Variants in ANKH observed in about 807,000 individuals in gnomAD.
The protein encoded by ANKH is mineralization regulator ANKH.
Under a neutral mutation model 49.0 loss-of-function variants are expected in ANKH, and 15 were observed. That is an observed-to-expected ratio of 0.31 (90% CI 0.20 to 0.47). The LOEUF is 0.47. ANKH is among the 20% of genes least tolerant of loss of function. The probability of loss-of-function intolerance (pLI) is 1.00; values close to 1 mark genes in which losing one functional copy is unlikely to be tolerated. For missense variants in ANKH, 429 were observed against 652.0 expected (o/e 0.66, Z 3.72); for synonymous variants, 273 against 260.0 (o/e 1.05, Z -0.48).
At chr5:14,712,726 C>T (rs1737273407) in intron 11 of ANKH, 148 bp downstream of exon 11, 3 of 790,446 alleles carry the variant, frequency 3.8e-6, no homozygotes, top group South Asian at 1.5e-5. Context: ...CATTAGGCTT[C>T]CAGCCACCCT....
intron 2 of ANKH, among the ~76,000 whole-genome samples, chr5:14,765,500 G>GT (rs1334865500): frequency 3.3e-5 from 5 of 152,162 alleles, no homozygotes; most frequent in Non-Finnish European, 4.4e-5. Context: ...TCCCAGGGAA[G>GT]TGTCTGAGTG....
At chr5:14,871,112 T>G (rs1272507076) in intron 1 of ANKH, 1 of 644,178 alleles carries the variant, frequency 1.6e-6, no homozygotes, top group Non-Finnish European at 2.9e-6. Context: ...TAGGTGAAGC[T>G]TCACACCATC....
At chr5:14,746,768 T>C (rs1340526458) in intron 6 of ANKH, among the ~76,000 whole-genome samples, 1 of 152,138 alleles carries the variant, frequency 6.6e-6, no homozygotes, top group Non-Finnish European at 1.5e-5. Flanking sequence ...AGCTTGGAGG[T>C]TGGAAGCAAG....
At chr5:14,731,683 G>A (rs1042757031) in intron 8 of ANKH, among the ~76,000 whole-genome samples, 1 of 152,248 alleles carries the variant, frequency 6.6e-6, no homozygotes, top group Non-Finnish European at 1.5e-5. Flanking sequence ...GAGGCTGGGA[G>A]CCTCGAGGTT....
At chr5:14,757,234 C>T (rs997512813) in intron 3 of ANKH, among the ~76,000 whole-genome samples, 1 of 151,954 alleles carries the variant, frequency 6.6e-6, no homozygotes, top group African/African-American at 2.4e-5. Context: ...TGGGCTAGCT[C>T]AGGCACCGCA....
chr5:14,741,560 C>T lies in ANKH; in HGVS notation c.1011+267G>A, dbSNP rs192218. On this transcript the variant is annotated intron_variant, in intron 8 of 11. Transcript: ENST00000284268. Reference sequence around the variant, plus strand: ...GAAATTTTTCAGCAAGACAAGTGTACTATTCCAATTAAAGGCAACCTCTTC... The same window carrying T: ...GAAATTTTTCAGCAAGACAAGTGTATTATTCCAATTAAAGGCAACCTCTTC... 0.27 allele frequency: 116,745 copies of T among 432,668 alleles called. 20,346 individuals carry two copies. Among genetic ancestry groups the T allele is most frequent in the African/African-American group, 0.63 (31,399 of 49,476 alleles). The allele number at this position is 432,668 out of a possible 1,614,324, so 26.8% of individuals were successfully genotyped here. A position where few individuals can be genotyped will look rare whatever the true frequency, so the allele number is the denominator to read the frequency against.
chr5:14,755,227 C>T (rs528113244), intron 4 of ANKH, among the ~76,000 whole-genome samples: 8 of 152,240 alleles, frequency 5.3e-5, no homozygotes, highest in South Asian at 2.1e-4. Flanking sequence ...ATTGTTCATG[C>T]GCTATCCTTG....
intron 1 of ANKH, among the ~76,000 whole-genome samples, chr5:14,821,858 G>C (rs934425558): frequency 9.2e-5 from 14 of 152,128 alleles, no homozygotes; most frequent in African/African-American, 3.4e-4. Flanking sequence ...TTCAGGAAAT[G>C]ACTAACATTA....
chr5:14,711,813 G>GTTCT (rs1211385264), intron 11 of ANKH, among the ~76,000 whole-genome samples: 2 of 152,188 alleles, frequency 1.3e-5, no homozygotes, highest in African/African-American at 4.8e-5. Flanking sequence ...CATGTTGCCT[G>GTTCT]TTCTTACAAT....
chr5:14,764,330 C>T (rs1739190682), intron 2 of ANKH, among the ~76,000 whole-genome samples: 1 of 152,084 alleles, frequency 6.6e-6, no homozygotes, highest in African/African-American at 2.4e-5. Flanking sequence ...GTCATGTGTG[C>T]TTCTGTCCCT....
At chr5:14,805,435 ATATG>A (rs1446030443) in intron 1 of ANKH, among the ~76,000 whole-genome samples, 4 of 113,004 alleles carry the variant, frequency 3.5e-5, no homozygotes, top group Non-Finnish European at 7.1e-5. Flanking sequence ...ATAAACATAT[ATATG>A]TGTGTGTGTA....
chr5:14,819,292 T>C (rs1312667544), intron 1 of ANKH, among the ~76,000 whole-genome samples: 3 of 152,234 alleles, frequency 2.0e-5, no homozygotes, highest in Non-Finnish European at 4.4e-5. Flanking sequence ...GAAAGACATA[T>C]GGGCAGGAAA....
intron 1 of ANKH, among the ~76,000 whole-genome samples, chr5:14,831,301 T>C (rs1017310366): frequency 6.6e-6 from 1 of 152,198 alleles, no homozygotes; most frequent in Admixed American, 6.5e-5. Context: ...AATGTTTGTA[T>C]GAGGAGCTAC....
intron 8 of ANKH, among the ~76,000 whole-genome samples, chr5:14,721,938 A>C (rs1042572889): frequency 6.8e-6 from 1 of 147,904 alleles, no homozygotes; most frequent in African/African-American, 2.4e-5. Context: ...TCAAAAAAAA[A>C]AAAAAAAAAA....
rs969192920 is a variant in ANKH at position 14,838,291 on chromosome 5, C to T, written c.96+33061G>A. On this transcript the variant is annotated intron_variant, in intron 1 of 11. Coordinates refer to ENST00000284268, the MANE Select transcript of ANKH (RefSeq NM_054027.6). ...AAAAAAATTACCTAACGCTAAACGA[C>T]GAGTTAATGGGTGCAGCACACCAAC... 8.9e-4 allele frequency among the ~76,000 whole-genome samples: 125 copies of T among 140,914 alleles called. 1 individual carries two copies. Among genetic ancestry groups the T allele is most frequent in the African/African-American group, 3.3e-3 (122 of 37,346 alleles). The allele number at this position is 140,914 out of a possible 152,430, so 92.4% of individuals were successfully genotyped here.
At chr5:14,795,508 C>T (rs1445826116) in intron 1 of ANKH, among the ~76,000 whole-genome samples, 3 of 152,188 alleles carry the variant, frequency 2.0e-5, no homozygotes, top group South Asian at 4.1e-4. Flanking sequence ...ACTCCTTCAG[C>T]AAACCTTCAC....
At chr5:14,851,551 G>A (rs1742122556) in intron 1 of ANKH, among the ~76,000 whole-genome samples, 1 of 152,200 alleles carries the variant, frequency 6.6e-6, no homozygotes, top group African/African-American at 2.4e-5. Context: ...CACCAGGCAA[G>A]GGAAAGGCAA....
chr5:14,750,983 C>T, intron 5 of ANKH, 86 bp downstream of exon 5: 3 of 1,547,720 alleles, frequency 1.9e-6, no homozygotes, highest in Non-Finnish European at 2.7e-6. Context: ...TTTGATGTCA[C>T]TGATTTCTCA....
rs546430084 is a variant in ANKH at position 14,811,415 on chromosome 5, G to A, written c.97-42224C>T. 1.4e-3 allele frequency among the ~76,000 whole-genome samples: 206 copies of A among 152,260 alleles called. 1 individual carries two copies. The highest frequency in any genetic ancestry group is 4.6e-3 in the South Asian group (22 of 4,820). ...ACGAAGCCTCCATGTGCAACTGTAC[G>A]ACGTCAGTGGGAGGCAGGATTGCTG... On this transcript the variant is annotated intron_variant, in intron 1 of 11. Transcript: ENST00000284268.
Sources: allele counts gnomAD v4.1 joint callset (sites outside exome capture counted in the v4.1 genomes callset), GRCh38; gene constraint gnomAD v4.1.1; transcripts MANE v1.5; gene names NCBI Gene and HGNC (gene_info 2026-07-23, HGNC 2026-07-21).